Variants in PTPRG observed in about 807,000 individuals in gnomAD.
The protein encoded by PTPRG is protein tyrosine phosphatase receptor type G, also known as receptor-type tyrosine-protein phosphatase gamma.
Under a neutral mutation model 165.3 loss-of-function variants are expected in PTPRG, and 102 were observed. The observed-to-expected ratio is 0.62, with a 90% CI of 0.53 to 0.73. The LOEUF (loss-of-function observed/expected upper bound fraction) is 0.73. PTPRG is among the 30% of genes least tolerant of loss of function. The pLI, the probability that PTPRG is intolerant of heterozygous loss-of-function variation, is 0.00. For missense variants in PTPRG, 1,866 were observed against 1,861.4 expected (o/e 1.00, Z -0.05); for synonymous variants, 675 against 669.5 (o/e 1.01, Z -0.13).
intron 5 of PTPRG, among the ~76,000 whole-genome samples, chr3:62,099,434 T>C (rs1454910791): frequency 6.6e-6 from 1 of 152,154 alleles, no homozygotes; most frequent in East Asian, 1.9e-4. Flanking sequence ...TCCACTCTTA[T>C]GATAGTGAAA....
chr3:61,828,394 G>C (rs1290500239), intron 2 of PTPRG, among the ~76,000 whole-genome samples: 1 of 152,194 alleles, frequency 6.6e-6, no homozygotes, highest in East Asian at 1.9e-4. Flanking sequence ...AGTCAGTAGC[G>C]TCTGGGAATA....
At chr3:61,671,107 T>G (rs915535812) in intron 1 of PTPRG, among the ~76,000 whole-genome samples, 1 of 151,662 alleles carries the variant, frequency 6.6e-6, no homozygotes, top group African/African-American at 2.4e-5. Context: ...GTTTGAGGTC[T>G]TAGGACTTCT....
intron 1 of PTPRG, among the ~76,000 whole-genome samples, chr3:61,599,905 T>A (rs1160299483): frequency 6.6e-6 from 1 of 152,072 alleles, no homozygotes; most frequent in Non-Finnish European, 1.5e-5. Flanking sequence ...ACGCCTGTAA[T>A]CTCAGCACTT....
At chr3:62,134,220 G>A (rs1703624554) in intron 6 of PTPRG, among the ~76,000 whole-genome samples, 1 of 152,082 alleles carries the variant, frequency 6.6e-6, no homozygotes, top group African/African-American at 2.4e-5. Context: ...AGATGCCCGG[G>A]GTGTGGTTTC....
chr3:61,810,116 C>T (rs1227790425), intron 2 of PTPRG, among the ~76,000 whole-genome samples: 2 of 152,148 alleles, frequency 1.3e-5, no homozygotes, highest in African/African-American at 4.8e-5. Context: ...GTGATACTTG[C>T]AACTGTGAGC....
intron 1 of PTPRG, among the ~76,000 whole-genome samples, chr3:61,659,121 G>A (rs1702592639): frequency 6.6e-6 from 1 of 152,104 alleles, no homozygotes; most frequent in African/African-American, 2.4e-5. Context: ...GGCCCCTCTA[G>A]CCTGAAAGCC....
intron 12 of PTPRG, 80 bp downstream of exon 12, chr3:62,204,030 G>T (rs1418497688): frequency 1.0e-5 from 15 of 1,492,878 alleles, no homozygotes; most frequent in Non-Finnish European, 1.2e-5. Flanking sequence ...GGAGCAGAAG[G>T]TGAAGCTTCA....
chr3:61,574,907 C>T (rs997371363), intron 1 of PTPRG, among the ~76,000 whole-genome samples: 2 of 152,094 alleles, frequency 1.3e-5, no homozygotes, highest in Non-Finnish European at 2.9e-5. Flanking sequence ...AGAAGTGACT[C>T]GGGCTTGCCA....
chr3:62,286,443 T>TAAAAGCTACAATAATA (rs1702663463), intron 28 of PTPRG, among the ~76,000 whole-genome samples: 2 of 152,186 alleles, frequency 1.3e-5, no homozygotes, highest in African/African-American at 4.8e-5. Context: ...AACAACGTAT[T>TAAAAGCTACAATAATA]AAAAGCTACA....
intron 1 of PTPRG, among the ~76,000 whole-genome samples, chr3:61,579,701 G>A (rs1455895045): frequency 6.6e-6 from 1 of 152,238 alleles, no homozygotes; most frequent in Non-Finnish European, 1.5e-5. Context: ...CGCGCAGCTT[G>A]TGAATTGCAC....
intron 6 of PTPRG, among the ~76,000 whole-genome samples, chr3:62,133,305 C>T (rs560286384): frequency 5.9e-5 from 9 of 152,330 alleles, no homozygotes; most frequent in South Asian, 2.1e-4. Flanking sequence ...GTACCCTTGT[C>T]GCAGTGAGGT....
intron 1 of PTPRG, among the ~76,000 whole-genome samples, chr3:61,703,417 G>C (rs905328261): frequency 2.6e-5 from 4 of 152,114 alleles, no homozygotes; most frequent in African/African-American, 9.7e-5. Flanking sequence ...GTGTCAACTA[G>C]GCTGACATTT....
At chr3:61,575,587 G>A (rs932819866) in intron 1 of PTPRG, among the ~76,000 whole-genome samples, 1 of 150,438 alleles carries the variant, frequency 6.6e-6, no homozygotes, top group Non-Finnish European at 1.5e-5. Flanking sequence ...AAAAGCATTA[G>A]GCACACAGAA....
intron 2 of PTPRG, among the ~76,000 whole-genome samples, chr3:61,848,050 A>G (rs2036854735): frequency 6.6e-6 from 1 of 152,094 alleles, no homozygotes; most frequent in South Asian, 2.1e-4. Flanking sequence ...AGGGTTTGTT[A>G]CTCTAGTTGA....
At chr3:62,031,319 G>C (rs949986528) in intron 4 of PTPRG, among the ~76,000 whole-genome samples, 21 of 152,266 alleles carry the variant, frequency 1.4e-4, no homozygotes, top group Non-Finnish European at 2.9e-4. Flanking sequence ...TCTCTGAAAC[G>C]GAAAGAATAT....
intron 2 of PTPRG, among the ~76,000 whole-genome samples, chr3:61,789,030 TTAATTTA>T (rs1193034416): frequency 6.6e-6 from 1 of 152,204 alleles, no homozygotes; most frequent in Non-Finnish European, 1.5e-5. Flanking sequence ...TTTCTTACAT[TTAATTTA>T]ACAATCATTA....
At chr3:61,924,034 T>C (rs2039147303) in intron 2 of PTPRG, among the ~76,000 whole-genome samples, 1 of 152,244 alleles carries the variant, frequency 6.6e-6, no homozygotes, top group Non-Finnish European at 1.5e-5. Context: ...TTAGTTCTTA[T>C]GCTATAGAAA....
chr3:61,669,096 C>G (rs1203111118), intron 1 of PTPRG, among the ~76,000 whole-genome samples: 1 of 152,086 alleles, frequency 6.6e-6, no homozygotes, highest in Non-Finnish European at 1.5e-5. Flanking sequence ...CTTCTAGGGC[C>G]TTGAGTGAAG....
intron 2 of PTPRG, among the ~76,000 whole-genome samples, chr3:61,980,086 T>C (rs554659805): frequency 2.6e-5 from 4 of 152,304 alleles, no homozygotes; most frequent in Admixed American, 2.6e-4. Flanking sequence ...TTTTTAAATA[T>C]TAAACAAAAC....
Sources: gnomAD v4.1 joint callset for allele counts (sites outside exome capture counted in the v4.1 genomes callset) on GRCh38, gnomAD v4.1.1 for gene constraint, MANE v1.5 for transcripts, NCBI Gene and HGNC (gene_info 2026-07-23, HGNC 2026-07-21) for gene names.